Variants in NDUFAB1 observed in about 807,000 individuals in gnomAD.
NDUFAB1 encodes the protein NADH:ubiquinone oxidoreductase subunit AB1, also known as acyl carrier protein, mitochondrial.
Under a neutral mutation model 16.1 loss-of-function variants are expected in NDUFAB1, and 5 were observed. That is an observed-to-expected ratio of 0.31 (90% CI 0.16 to 0.65). The LOEUF (loss-of-function observed/expected upper bound fraction) is 0.65, where lower values mean the gene tolerates loss of function less well. Among genes scored for constraint, NDUFAB1 ranks in the 30% least tolerant of loss-of-function variants. The pLI is 0.77. For missense variants in NDUFAB1, 187 were observed against 205.3 expected (o/e 0.91, Z 0.54); for synonymous variants, 85 against 78.4 (o/e 1.08, Z -0.44).
intron 1 of NDUFAB1, among the ~76,000 whole-genome samples, chr16:23,592,655 A>G (rs552214645): frequency 3.3e-5 from 5 of 152,328 alleles, no homozygotes; most frequent in Non-Finnish European, 5.9e-5. Context: ...GATCAAGTAT[A>G]AGACTTCCAG....
chr16:23,591,044 T>A (rs999731128), intron 1 of NDUFAB1: 2 of 152,122 alleles, frequency 1.3e-5, no homozygotes, highest in Non-Finnish European at 2.9e-5. Flanking sequence ...TCACCCTCCT[T>A]TTTACAGATG....
In NDUFAB1 at chr16:23,582,357, A is replaced by G. The variant is rs779662345; in HGVS notation, c.398T>C (p.Ile133Thr). The G allele has an allele frequency of 1.3e-6, 2 of 1,571,974 alleles. No individual in the cohort carries two copies. The highest frequency in any genetic ancestry group is 1.2e-5 in the South Asian group (1 of 83,558). The change falls in exon 4 of 5, where the codon ATA becomes ACA. Residue 133 changes from isoleucine to threonine, a missense_variant. This residue lies in a region of NDUFAB1 where 32 missense variants were observed against 28.8 expected (regional missense o/e 1.11). Transcript: ENST00000007516. ...EDEFGFEIPD[I>T]DAEKLMCPQE... is the part of the protein sequence containing the mutation. ...TGGACACATTAACTTTTCAGCATCT[A>G]TATCAGGAATTTCAAACCCTAAAAG...
At chr16:23,587,432 G>T in intron 1 of NDUFAB1, 113 bp from the exon 2 acceptor site, 1 of 1,322,106 alleles carries the variant, frequency 7.6e-7, no homozygotes, top group Non-Finnish European at 1.0e-6. Flanking sequence ...AGAACCCACA[G>T]CATCTGATTC....
At chr16:23,595,031 T>C (rs1014114538) in intron 1 of NDUFAB1, among the ~76,000 whole-genome samples, 1 of 151,796 alleles carries the variant, frequency 6.6e-6, no homozygotes, top group Admixed American at 6.6e-5. Flanking sequence ...GGCGGGTGGA[T>C]TGCGAGGTCG....
chr16:23,595,505 A>G, intron 1 of NDUFAB1: 1 of 450,764 alleles, frequency 2.2e-6, no homozygotes, highest in Non-Finnish European at 4.5e-6. Context: ...ACATCCCGTA[A>G]ATACTGGTCG....
chr16:23,582,503 G>A (rs1224288836), intron 3 of NDUFAB1, 128 bp from the exon 4 acceptor site: 1 of 1,262,272 alleles, frequency 7.9e-7, no homozygotes, highest in Non-Finnish European at 1.0e-6. Context: ...ATCCCATATA[G>A]GTTGTGGGCC....
At chr16:23,583,944 A>C (rs1265114174) in intron 3 of NDUFAB1, among the ~76,000 whole-genome samples, 2 of 151,758 alleles carry the variant, frequency 1.3e-5, no homozygotes, top group Non-Finnish European at 2.9e-5. Flanking sequence ...GATGCTGTTG[A>C]TCTATGACCT....
intron 2 of NDUFAB1, among the ~76,000 whole-genome samples, chr16:23,586,710 G>A (rs1450250504): frequency 6.7e-6 from 1 of 148,942 alleles, no homozygotes; most frequent in African/African-American, 2.5e-5. Context: ...CTGCAATCAC[G>A]CTATCTCGGC....
intron 1 of NDUFAB1, among the ~76,000 whole-genome samples, chr16:23,593,854 T>C (rs966848829): frequency 2.0e-5 from 1 of 50,204 alleles, no homozygotes; most frequent in Non-Finnish European, 3.6e-5. Flanking sequence ...TAACCCTTAT[T>C]TATTTATTTA....
rs894280347 is a variant in NDUFAB1 at position 23,596,282 on chromosome 16, A to C, written c.9T>G (p.Ser3=). Residue 3 remains serine (S), a synonymous_variant, in exon 1 of 5, where the codon TCT becomes TCG. Transcript: ENST00000007516. MA[S]RVLSAYVSRL... Reference sequence around the variant, plus strand: ...GGCTGACATAGGCTGAAAGGACACGAGACGCCATGGCTACGCCAACCCAGG... The same window carrying C: ...GGCTGACATAGGCTGAAAGGACACGCGACGCCATGGCTACGCCAACCCAGG... 8.9e-6 allele frequency: 14 copies of C among 1,566,078 alleles called. No individual in the cohort carries two copies. Among genetic ancestry groups the C allele is most frequent in the Non-Finnish European group, 1.1e-5 (13 of 1,158,062 alleles).
In NDUFAB1 at chr16:23,595,561, C is replaced by G. The variant is rs148975760; in HGVS notation, c.168+562G>C. ...CGCATATAAGTGGACCCGCGCAATT[C>G]AAATCCTTATTGGTCAAAGGTCACT... On this transcript the variant is annotated intron_variant, in intron 1 of 4. Coordinates refer to ENST00000007516, the MANE Select transcript of NDUFAB1 (RefSeq NM_005003.3). The G allele has an allele frequency of 3.3e-5, 15 of 455,840 alleles. No individual in the cohort carries two copies. The East Asian group carries it at 1.0e-3, about 32-fold the overall frequency. The allele number at this position is 455,840 out of a possible 1,614,324, so 28.2% of individuals were successfully genotyped here.
At chr16:23,583,967 G>C (rs567465874) in intron 3 of NDUFAB1, among the ~76,000 whole-genome samples, 1 of 150,620 alleles carries the variant, frequency 6.6e-6, no homozygotes, top group Non-Finnish European at 1.5e-5. Context: ...CCCCCAACCC[G>C]GTGCTCTCTG....
At chr16:23,595,509 C>G (rs539423771) in intron 1 of NDUFAB1, 7 of 451,482 alleles carry the variant, frequency 1.6e-5, no homozygotes, top group African/African-American at 1.0e-4. Flanking sequence ...CCCGTAAATA[C>G]TGGTCGCGTT....
intron 2 of NDUFAB1, among the ~76,000 whole-genome samples, chr16:23,586,039 C>T (rs1279538398): frequency 6.6e-6 from 1 of 150,378 alleles, no homozygotes; most frequent in Non-Finnish European, 1.5e-5. Flanking sequence ...GCAATTCTCA[C>T]CCCTCAGACT....
intron 2 of NDUFAB1, among the ~76,000 whole-genome samples, chr16:23,585,927 T>C (rs1966228717): frequency 6.6e-6 from 1 of 152,232 alleles, no homozygotes; most frequent in South Asian, 2.1e-4. Context: ...CACTCTAATG[T>C]TGTCTGTTTT....
rs184174582 is a variant in NDUFAB1 at position 23,589,099 on chromosome 16, A to G, written c.169-1780T>C. 1.7e-3 allele frequency among the ~76,000 whole-genome samples: 263 copies of G among 152,218 alleles called. 2 individuals carry two copies. Among genetic ancestry groups the G allele is most frequent in the African/African-American group, 6.2e-3 (259 of 41,534 alleles). On this transcript the variant is annotated intron_variant, in intron 1 of 4. Coordinates refer to ENST00000007516, the MANE Select transcript of NDUFAB1 (RefSeq NM_005003.3). Reference sequence around the variant, plus strand: ...CGGATCACGAGGTCAGGAGTTCGACACTAGCCTGACCAACATGGAGAAACC... The same window carrying G: ...CGGATCACGAGGTCAGGAGTTCGACGCTAGCCTGACCAACATGGAGAAACC...
At chr16:23,590,638 C>CTATTTCTTT (rs574003194) in intron 1 of NDUFAB1, among the ~76,000 whole-genome samples, 3 of 131,834 alleles carry the variant, frequency 2.3e-5, no homozygotes, top group African/African-American at 8.6e-5. Context: ...CCTCTGGTCT[C>CTATTTCTTT]TTTTTTTTTT....
intron 3 of NDUFAB1, among the ~76,000 whole-genome samples, chr16:23,583,352 C>T (rs1045907828): frequency 6.6e-6 from 1 of 151,922 alleles, no homozygotes; most frequent in African/African-American, 2.4e-5. Context: ...GCCCGGCCAC[C>T]CATCGTCTGA....
chr16:23,594,092 A>G (rs1477215542), intron 1 of NDUFAB1, among the ~76,000 whole-genome samples: 1 of 151,846 alleles, frequency 6.6e-6, no homozygotes, highest in Non-Finnish European at 1.5e-5. Context: ...CGTGTTAGCC[A>G]GGATGGTCTC....
Sources: gnomAD v4.1 joint callset for allele counts (sites outside exome capture counted in the v4.1 genomes callset) on GRCh38, gnomAD v4.1.1 for gene constraint, gnomAD v4.1.1 regional missense constraint, MANE v1.5 for transcripts, NCBI Gene and HGNC (gene_info 2026-07-23, HGNC 2026-07-21) for gene names.